Variants in MYCT1 observed in about 807,000 individuals in gnomAD.
The protein encoded by MYCT1 is MYC target 1.
A neutral mutation model predicts 15.0 loss-of-function variants in MYCT1; 12 were observed. The observed-to-expected ratio is 0.80, with a 90% confidence interval of 0.51 to 1.29. The LOEUF (loss-of-function observed/expected upper bound fraction) is 1.29. Among genes scored for constraint, MYCT1 ranks in the 50% most tolerant of loss-of-function variants. The probability of loss-of-function intolerance (pLI) is 0.00; values close to 1 mark genes in which losing one functional copy is unlikely to be tolerated. For synonymous variants in MYCT1, 104 were observed against 102.7 expected (o/e 1.01, Z -0.07); for missense variants, 287 against 279.1 (o/e 1.03, Z -0.20).
chr6:152,704,929 G>T (rs934751916), intron 1 of MYCT1, among the ~76,000 whole-genome samples: 2 of 152,116 alleles, frequency 1.3e-5, no homozygotes, highest in African/African-American at 4.8e-5. Context: ...CATAACTACA[G>T]TCACTATATT....
At chr6:152,741,374 T>C in the MYCT1 span, among the ~76,000 whole-genome samples, 1 of 152,168 alleles carries the variant, frequency 6.6e-6, no homozygotes, top group African/African-American at 2.4e-5. Context: ...TAAGATTAAG[T>C]AATACTGGCT....
At chr6:152,712,756 G>A (rs560447476) in intron 1 of MYCT1, among the ~76,000 whole-genome samples, 24 of 152,114 alleles carry the variant, frequency 1.6e-4, no homozygotes, top group Middle Eastern at 3.4e-3. Context: ...AAATATCACC[G>A]TGTCTTATTA....
chr6:152,731,641 A>G, the MYCT1 span, among the ~76,000 whole-genome samples: 5 of 152,092 alleles, frequency 3.3e-5, no homozygotes, highest in African/African-American at 9.6e-5. Flanking sequence ...TGTCCTTGCG[A>G]TAGTTTGCTC....
intron 1 of MYCT1, among the ~76,000 whole-genome samples, chr6:152,708,103 G>A (rs546219106): frequency 1.3e-5 from 2 of 151,592 alleles, no homozygotes; most frequent in African/African-American, 2.4e-5. Context: ...ATAATATTGA[G>A]GCTTGTAATT....
chr6:152,699,957 T>C (rs896732360), intron 1 of MYCT1, among the ~76,000 whole-genome samples: 2 of 151,848 alleles, frequency 1.3e-5, no homozygotes, highest in Non-Finnish European at 2.9e-5. Flanking sequence ...GAAAATTAGA[T>C]GAAAATAATG....
intron 1 of MYCT1, among the ~76,000 whole-genome samples, chr6:152,704,814 A>G (rs1251958425): frequency 6.6e-6 from 1 of 152,164 alleles, no homozygotes; most frequent in East Asian, 1.9e-4. Flanking sequence ...TACCACAATC[A>G]AGCTAATTAA....
the MYCT1 span, among the ~76,000 whole-genome samples, chr6:152,742,146 G>A: frequency 1.2e-4 from 18 of 152,272 alleles, no homozygotes; most frequent in East Asian, 3.3e-3. Context: ...GTCATTGTAT[G>A]TCACTGTAGT....
At chr6:152,726,407 A>T (rs2099725669), downstream of MYCT1, among the ~76,000 whole-genome samples, 1 of 151,848 alleles carries the variant, frequency 6.6e-6, no homozygotes, top group Non-Finnish European at 1.5e-5. Context: ...AAAAAAAAAA[A>T]AAAAAAGAGA....
the MYCT1 span, among the ~76,000 whole-genome samples, chr6:152,740,149 C>A: frequency 6.6e-6 from 1 of 152,078 alleles, no homozygotes; most frequent in East Asian, 1.9e-4. Context: ...CAGGTTCAAG[C>A]GATTCTCCTG....
chr6:152,707,526 A>AT (rs1289421370), intron 1 of MYCT1, among the ~76,000 whole-genome samples: 3 of 151,898 alleles, frequency 2.0e-5, no homozygotes, highest in Non-Finnish European at 2.9e-5. Flanking sequence ...CTACTTGTCT[A>AT]TTTTTGCTTT....
chr6:152,729,790 A>G, the MYCT1 span, among the ~76,000 whole-genome samples: 1 of 152,208 alleles, frequency 6.6e-6, no homozygotes, highest in Non-Finnish European at 1.5e-5. Flanking sequence ...TCAACAGACC[A>G]AAAGGGTCTG....
chr6:152,702,892 A>G (rs1466883656), intron 1 of MYCT1, among the ~76,000 whole-genome samples: 1 of 152,228 alleles, frequency 6.6e-6, no homozygotes, highest in Non-Finnish European at 1.5e-5. Flanking sequence ...ACTAAGAATT[A>G]TGAAAACTCA....
chr6:152,717,886 G>A lies in MYCT1; in HGVS notation c.197-3856G>A, dbSNP rs565433797. ...TTTTTTTGTAATTTGTATAATTTCC[G>A]TTGCACCCCCATCTTATCCTACTTT... On this transcript the variant is annotated intron_variant, in intron 1 of 1. Coordinates refer to ENST00000367245, the MANE Select transcript of MYCT1 (RefSeq NM_025107.3). Among the ~76,000 whole-genome samples, 10 of 151,972 alleles carry A rather than the reference G, an allele frequency of 6.6e-5. No homozygotes were observed. In the East Asian group the frequency reaches 9.7e-4, roughly 15 times the overall value.
downstream of MYCT1, among the ~76,000 whole-genome samples, chr6:152,728,915 G>C (rs889128436): frequency 2.0e-4 from 31 of 152,114 alleles, no homozygotes; most frequent in African/African-American, 7.0e-4. Context: ...CAAATAAATA[G>C]ATAATAAATT....
chr6:152,744,836 G>A, the MYCT1 span, among the ~76,000 whole-genome samples: 27 of 152,292 alleles, frequency 1.8e-4, no homozygotes, highest in African/African-American at 6.0e-4. Flanking sequence ...CAGCAGAGGC[G>A]GGAGCTGGGG....
At position 152,722,416 on chromosome 6, in the gene MYCT1, T is replaced by C; in HGVS notation, c.*163T>C. On this transcript the variant is annotated 3_prime_UTR_variant, in exon 2 of 2. Coordinates refer to ENST00000367245, the MANE Select transcript of MYCT1 (RefSeq NM_025107.3). ...GGACATTACAATGTAAAACACATTT[T>C]CTTCAAACACGTTTTCCCTTTTGTT... is the stretch of plus-strand genomic sequence containing the variant. 1.6e-6 allele frequency: 1 copy of C among 640,814 alleles called. No individual in the cohort carries two copies. Among genetic ancestry groups the C allele is most frequent in the Non-Finnish European group, 2.5e-6 (1 of 397,078 alleles). The allele number at this position is 640,814 out of a possible 1,614,324, so 39.7% of individuals were successfully genotyped here.
In MYCT1 at chr6:152,722,108, C is replaced by T. The variant is rs1287894220; in HGVS notation, c.563C>T (p.Pro188Leu). The change falls in exon 2 of 2, where the codon CCT (proline) becomes CTT (leucine). Residue 188 changes from proline to leucine, a missense_variant. Pro to Leu is a moderately conservative substitution (Grantham distance 98). Transcript: ENST00000367245. The part of the protein sequence containing the change: ...VETESQLVTL[P>L]SSNISPTIST... ...ACTGAGAGTCAGCTGGTGACTCTCC[C>T]TTCTTCCAATATCTCTCCCACCATC... 2.8e-5 allele frequency: 45 copies of T among 1,614,136 alleles called. No homozygotes were observed. The highest frequency in any genetic ancestry group is 3.7e-5 in the Non-Finnish European group (44 of 1,180,022).
downstream of MYCT1, among the ~76,000 whole-genome samples, chr6:152,727,165 C>T (rs1423612419): frequency 2.0e-5 from 3 of 150,168 alleles, no homozygotes; most frequent in African/African-American, 7.4e-5. Flanking sequence ...GAGCCGAGAT[C>T]GCACCACTGC....
intron 1 of MYCT1, among the ~76,000 whole-genome samples, chr6:152,699,819 G>A (rs1266044823): frequency 6.6e-6 from 1 of 152,014 alleles, no homozygotes; most frequent in East Asian, 1.9e-4. Context: ...TGTTTAGTTG[G>A]AGTTCACCTA....
Sources: allele counts gnomAD v4.1 joint callset (sites outside exome capture counted in the v4.1 genomes callset), GRCh38; gene constraint gnomAD v4.1.1; transcripts MANE v1.5; gene names NCBI Gene and HGNC (gene_info 2026-07-23, HGNC 2026-07-21).